The following CTNND2 variants were observed in gnomAD, a reference collection of about 807,000 sequenced individuals.
CTNND2 encodes catenin delta 2, also known as catenin delta-2.
CTNND2 carries 22 observed loss-of-function variants against 144.4 expected under a neutral mutation model. That is an observed-to-expected ratio of 0.15 (90% CI 0.11 to 0.22). CTNND2 has a LOEUF of 0.22. CTNND2 is among the 10% of genes least tolerant of loss of function. The pLI is 1.00. For missense variants in CTNND2, 1,353 were observed against 1,618.8 expected (o/e 0.84, Z 2.82); for synonymous variants, 751 against 695.6 (o/e 1.08, Z -1.25).
At chr5:11,735,114 T>C (rs13189526) in intron 1 of CTNND2, among the ~76,000 whole-genome samples, 24,643 of 152,156 alleles carry the variant, frequency 0.16, 2,148 homozygotes, top group South Asian at 0.28. Context: ...AGATTAAATA[T>C]GATTTGGCAA....
rs547221865 is a variant in CTNND2, at chr5:11,709,137, G to A, written c.174+22999C>T. 6.6e-5 allele frequency among the ~76,000 whole-genome samples: 10 copies of A among 152,248 alleles called. No homozygotes were observed. In the East Asian group the frequency reaches 1.4e-3, roughly 21 times the overall value. ...TTCAAAAAACACAGTAGGTTTCTGC[G>A]TTTATGTGTCAGAGCTATGCCTGTG... On this transcript the variant is annotated intron_variant, in intron 2 of 21. Transcript: ENST00000304623.
chr5:11,475,232 G>A (rs2149963285), intron 3 of CTNND2, among the ~76,000 whole-genome samples: 1 of 152,322 alleles, frequency 6.6e-6, no homozygotes, highest in African/African-American at 2.4e-5. Context: ...TATTTGGCCA[G>A]CAAGATCGAG....
chr5:11,037,452 C>T (rs1203370575), intron 16 of CTNND2, among the ~76,000 whole-genome samples: 2 of 152,328 alleles, frequency 1.3e-5, no homozygotes, highest in South Asian at 2.1e-4. Context: ...TAGTTACACG[C>T]ATCCCTATAT....
intron 2 of CTNND2, among the ~76,000 whole-genome samples, chr5:11,660,240 G>A (rs898505132): frequency 6.6e-6 from 1 of 152,100 alleles, no homozygotes; most frequent in African/African-American, 2.4e-5. Flanking sequence ...ATGGGGGAAG[G>A]AGAAATTTAA....
intron 2 of CTNND2, among the ~76,000 whole-genome samples, chr5:11,650,406 T>C (rs1371844069): frequency 6.6e-6 from 1 of 152,138 alleles, no homozygotes; most frequent in Non-Finnish European, 1.5e-5. Flanking sequence ...TTTATAGCAA[T>C]GCAAGAATGG....
At chr5:11,681,323 C>T (rs1784413115) in intron 2 of CTNND2, among the ~76,000 whole-genome samples, 1 of 152,180 alleles carries the variant, frequency 6.6e-6, no homozygotes. Flanking sequence ...TCCAGAAGTA[C>T]TCGGATGAAT....
At chr5:11,357,881 T>C (rs758582736) in intron 8 of CTNND2, among the ~76,000 whole-genome samples, 8 of 152,132 alleles carry the variant, frequency 5.3e-5, no homozygotes, top group Non-Finnish European at 1.0e-4. Flanking sequence ...GCTTTTTCTA[T>C]TATAATTTTA....
intron 9 of CTNND2, among the ~76,000 whole-genome samples, chr5:11,336,022 A>G (rs1580942365): frequency 6.6e-6 from 1 of 152,076 alleles, no homozygotes; most frequent in South Asian, 2.1e-4. Context: ...AAAGGTTACA[A>G]TCAGATTTTT....
At chr5:11,691,369 C>G (rs1784902239) in intron 2 of CTNND2, among the ~76,000 whole-genome samples, 1 of 136,006 alleles carries the variant, frequency 7.4e-6, no homozygotes. Flanking sequence ...GAGACTCTGT[C>G]TCAAAAAATA....
intron 1 of CTNND2, among the ~76,000 whole-genome samples, chr5:11,886,517 T>C (rs766642738): frequency 6.6e-6 from 1 of 152,168 alleles, no homozygotes; most frequent in Non-Finnish European, 1.5e-5. Context: ...TTTGGTTTTC[T>C]GAAAAACAAC....
intron 3 of CTNND2, among the ~76,000 whole-genome samples, chr5:11,473,927 T>C (rs1159464535): frequency 2.6e-5 from 4 of 152,232 alleles, no homozygotes; most frequent in Non-Finnish European, 5.9e-5. Flanking sequence ...CCCCTTCCTC[T>C]CAAATATTTT....
At chr5:11,330,531 A>G (rs1452473217) in intron 9 of CTNND2, among the ~76,000 whole-genome samples, 3 of 150,048 alleles carry the variant, frequency 2.0e-5, no homozygotes, top group Admixed American at 1.3e-4. Flanking sequence ...TTATGGTTAC[A>G]GAGTTCAGGC....
chr5:11,451,395 T>C (rs927602447), intron 3 of CTNND2, among the ~76,000 whole-genome samples: 2 of 152,222 alleles, frequency 1.3e-5, no homozygotes, highest in Non-Finnish European at 1.5e-5. Context: ...TCCAACTATG[T>C]GTGCCCAAAG....
In CTNND2 at chr5:10,973,588, G is replaced by T. The variant is rs549060878; in HGVS notation, c.3543C>A (p.Pro1181=). The T allele has an allele frequency of 6.2e-7, 1 of 1,614,054 alleles. No individual in the cohort carries two copies. Among genetic ancestry groups the T allele is most frequent in the Non-Finnish European group, 8.5e-7 (1 of 1,180,032 alleles). ...FFEDQVHHRP[P]ASEYTMHLGL... is the part of the protein sequence containing the mutation. ...CCAGGTGCATGGTGTACTCGCTGGC[G>T]GGAGGGCGATGGTGGACCTGGTCCT... Residue 1181 remains proline, a synonymous_variant, in exon 22 of 22, where the codon CCC becomes CCA. Coordinates refer to ENST00000304623, the MANE Select transcript of CTNND2 (RefSeq NM_001332.4). The surrounding 1 kb of genome is among the most constrained non-coding windows in gnomAD (Gnocchi z 5.6).
chr5:11,601,126 C>T (rs1050651972), intron 2 of CTNND2, among the ~76,000 whole-genome samples: 6 of 151,856 alleles, frequency 4.0e-5, no homozygotes, highest in Admixed American at 6.6e-5. Flanking sequence ...AAGGACTATG[C>T]GAATAACGTG....
intron 3 of CTNND2, among the ~76,000 whole-genome samples, chr5:11,545,089 T>C (rs1581459082): frequency 8.0e-6 from 1 of 125,744 alleles, no homozygotes; most frequent in African/African-American, 3.2e-5. Context: ...GCCACTGCAC[T>C]CCAGCCTGGC....
chr5:11,112,310 G>A (rs1753078786), intron 13 of CTNND2, among the ~76,000 whole-genome samples: 1 of 152,192 alleles, frequency 6.6e-6, no homozygotes, highest in Admixed American at 6.5e-5. Flanking sequence ...CAAAGAGGAA[G>A]TCAGGAGAGT....
intron 9 of CTNND2, among the ~76,000 whole-genome samples, chr5:11,344,286 G>C (rs1754549854): frequency 6.6e-6 from 1 of 152,108 alleles, no homozygotes; most frequent in Non-Finnish European, 1.5e-5. Flanking sequence ...CAGCTACTCG[G>C]GAGGCTGAGG....
intron 3 of CTNND2, among the ~76,000 whole-genome samples, chr5:11,542,295 A>G (rs1774834209): frequency 6.6e-6 from 1 of 151,810 alleles, no homozygotes; most frequent in South Asian, 2.1e-4. Context: ...ATAAAGAATG[A>G]CTCTACCTAT....
Sources: gnomAD v4.1 joint callset for allele counts (sites outside exome capture counted in the v4.1 genomes callset) on GRCh38, gnomAD v4.1.1 for gene constraint, Gnocchi (gnomAD v3.1) non-coding constraint, MANE v1.5 for transcripts, NCBI Gene and HGNC (gene_info 2026-07-23, HGNC 2026-07-21) for gene names.